Variants in MDN1 observed in about 807,000 individuals in gnomAD.
The protein encoded by MDN1 is midasin AAA ATPase 1, also known as midasin.
In MDN1, 266 loss-of-function variants were observed where a neutral mutation model predicts 669.2. The ratio of observed to expected loss-of-function variants is 0.40; its 90% CI spans 0.36 to 0.44. The LOEUF is 0.44. MDN1 is among the 20% of genes least tolerant of loss of function. The pLI, the probability that MDN1 is intolerant of heterozygous loss-of-function variation, is 1.00. For missense variants in MDN1, 5,940 were observed against 6,754.0 expected (o/e 0.88, Z 4.22); for synonymous variants, 2,385 against 2,457.1 (o/e 0.97, Z 0.87).
chr6:89,778,625 C>T (rs1226559702), intron 11 of MDN1, among the ~76,000 whole-genome samples: 1 of 151,958 alleles, frequency 6.6e-6, no homozygotes. Flanking sequence ...TGGCTCACAC[C>T]TGTAATACCA....
intron 9 of MDN1, among the ~76,000 whole-genome samples, chr6:89,783,096 T>C (rs1310578421): frequency 6.6e-6 from 1 of 152,056 alleles, no homozygotes; most frequent in Non-Finnish European, 1.5e-5. Flanking sequence ...AACAGCGATT[T>C]TTAGGGAACA....
intron 31 of MDN1, among the ~76,000 whole-genome samples, chr6:89,740,680 T>A (rs1375353733): frequency 6.6e-6 from 1 of 152,168 alleles, no homozygotes; most frequent in African/African-American, 2.4e-5. Flanking sequence ...AGCCAACTAC[T>A]AGAAAGAACT....
At chr6:89,725,098 T>C (rs1217336616) in intron 38 of MDN1, 101 bp downstream of exon 38, 1 of 1,067,910 alleles carries the variant, frequency 9.4e-7, no homozygotes, top group Non-Finnish European at 1.4e-6. Context: ...ATTAAGCTGA[T>C]CCTCTCTAAT....
chr6:89,658,397 T>C (rs779502980), intron 89 of MDN1, 27 bp from the exon 90 acceptor site: 1 of 1,613,578 alleles, frequency 6.2e-7, no homozygotes, highest in South Asian at 1.1e-5. Flanking sequence ...AAACACAGCA[T>C]TAAATGCTCT....
intron 31 of MDN1, 131 bp downstream of exon 31, chr6:89,743,019 C>T (rs1240958714): frequency 6.3e-6 from 7 of 1,107,736 alleles, no homozygotes; most frequent in South Asian, 5.0e-5. Flanking sequence ...AAGTTTGAGG[C>T]TACAGTGAAC....
At position 89,662,134 on chromosome 6, in the gene MDN1, C is replaced by T; in HGVS notation, c.14518G>A (p.Asp4840Asn). ...KKEEKEEAEA[D>N]DGGQGEDKIN... ...TTGTCTTCACCTTGTCCACCATCATCAGCTTCTGCTTCTTCCTTTTCTTCC... is the reference window on the plus strand; with the variant it reads ...TTGTCTTCACCTTGTCCACCATCATTAGCTTCTGCTTCTTCCTTTTCTTCC... The change falls in exon 87 of 102, where the codon GAT (aspartate) becomes AAT (asparagine). Residue 4840 changes from aspartate to asparagine, a missense_variant. Transcript: ENST00000369393. The T allele has an allele frequency of 6.2e-7, 1 of 1,613,974 alleles. No homozygotes were observed. Among genetic ancestry groups the T allele is most frequent in the Non-Finnish European group, 8.5e-7 (1 of 1,180,002 alleles).
intron 16 of MDN1, 88 bp downstream of exon 16, chr6:89,762,231 G>A (rs1331735482): frequency 1.4e-5 from 15 of 1,102,064 alleles, no homozygotes; most frequent in East Asian, 2.4e-5. Flanking sequence ...GCTCCAATTT[G>A]TATCGCTTTA....
chr6:89,740,884 G>A (rs1300788522), intron 31 of MDN1, among the ~76,000 whole-genome samples: 4 of 152,182 alleles, frequency 2.6e-5, no homozygotes, highest in African/African-American at 7.2e-5. Flanking sequence ...AGATTAATCA[G>A]AAATTTAGTG....
chr6:89,660,625 A>G (rs1809672239), intron 88 of MDN1, among the ~76,000 whole-genome samples: 1 of 93,356 alleles, frequency 1.1e-5, no homozygotes, highest in East Asian at 3.9e-4. Context: ...TCTTAATTTT[A>G]TGCTTTCTTG....
At chr6:89,771,681 T>C (rs1818085677) in intron 14 of MDN1, 60 bp from the exon 15 acceptor site, 1 of 1,403,786 alleles carries the variant, frequency 7.1e-7, no homozygotes, top group African/African-American at 1.4e-5. Context: ...TAATATCCAG[T>C]GTGCTCCTTA....
Position 89,673,350 on chromosome 6 carries a change from C to T in MDN1, c.13360G>A (p.Asp4454Asn). ...CTTTCAACTAGTGCCATTTGTGAGTCTCTTTGCTCAACCTCCATCCCTGGA... is the reference window on the plus strand; with the variant it reads ...CTTTCAACTAGTGCCATTTGTGAGTTTCTTTGCTCAACCTCCATCCCTGGA... ...ILPGMEVEQR[D>N]SQMALVESLE... Residue 4454 changes from aspartate to asparagine, a missense_variant, in exon 80 of 102, where the codon GAC (aspartate) becomes AAC (asparagine). By Grantham distance (23) the Asp-to-Asn change is conservative (BLOSUM62 1). Transcript: ENST00000369393. 2 of 1,614,160 alleles carry T rather than the reference C, an allele frequency of 1.2e-6. No homozygotes were observed. Among genetic ancestry groups the T allele is most frequent in the East Asian group, 2.2e-5 (1 of 44,878 alleles).
chr6:89,756,694 C>G (rs111838430), intron 19 of MDN1, among the ~76,000 whole-genome samples: 2 of 151,876 alleles, frequency 1.3e-5, no homozygotes, highest in African/African-American at 2.4e-5. Flanking sequence ...AGGCCGAGGC[C>G]GGTGGATCAC....
intron 70 of MDN1, among the ~76,000 whole-genome samples, chr6:89,685,235 G>C (rs1811928510): frequency 6.6e-6 from 1 of 151,970 alleles, no homozygotes; most frequent in Non-Finnish European, 1.5e-5. Flanking sequence ...TTTTGTTCTT[G>C]AAGATGATGT....
chr6:89,761,880 T>A (rs1817567466), intron 16 of MDN1, 132 bp from the exon 17 acceptor site: 2 of 650,560 alleles, frequency 3.1e-6, no homozygotes, highest in Non-Finnish European at 5.2e-6. Flanking sequence ...TAAAAACTTG[T>A]ATAATGCTAA....
intron 97 of MDN1, 28 bp downstream of exon 97, chr6:89,649,996 A>C: frequency 6.2e-7 from 1 of 1,612,280 alleles, no homozygotes. Flanking sequence ...ATTTCCTATC[A>C]AACTGCCACT....
rs536853415 is a variant in MDN1, at chr6:89,679,373, C to T, written c.12266-628G>A. Among the ~76,000 whole-genome samples, 6 of 152,266 alleles carry T rather than the reference C, an allele frequency of 3.9e-5. No homozygotes were observed. The South Asian group carries it at 8.3e-4, about 21-fold the overall frequency. On this transcript the variant is annotated intron_variant, in intron 74 of 101. Coordinates refer to ENST00000369393, the MANE Select transcript of MDN1 (RefSeq NM_014611.3). The stretch of plus-strand genomic sequence containing the variant: ...GCACCAAGCTGCCTTCCTGAATACA[C>T]GTGGGTACCAATAACACAAGGGTGC...
intron 75 of MDN1, among the ~76,000 whole-genome samples, chr6:89,678,247 G>C (rs1811360975): frequency 6.6e-6 from 1 of 152,118 alleles, no homozygotes; most frequent in African/African-American, 2.4e-5. Flanking sequence ...ACTCCAGCCT[G>C]GGCAACAAGA....
At chr6:89,762,610 G>A (rs1029496925) in intron 15 of MDN1, 80 bp from the exon 16 acceptor site, 17 of 987,512 alleles carry the variant, frequency 1.7e-5, no homozygotes, top group Non-Finnish European at 2.6e-5. Flanking sequence ...GAAAACAGGA[G>A]TAGGTCTCAG....
chr6:89,770,327 G>A (rs967655490), intron 15 of MDN1, among the ~76,000 whole-genome samples: 22 of 151,034 alleles, frequency 1.5e-4, no homozygotes, highest in Middle Eastern at 6.9e-3. Flanking sequence ...TCACCTGAAC[G>A]TGGGAGCCGG....
Sources: allele counts gnomAD v4.1 joint callset (sites outside exome capture counted in the v4.1 genomes callset), GRCh38; gene constraint gnomAD v4.1.1; transcripts MANE v1.5; gene names NCBI Gene and HGNC (gene_info 2026-07-23, HGNC 2026-07-21).